SCN8A: variants seen among roughly 807,000 people sequenced by gnomAD.
The protein encoded by SCN8A is sodium channel protein type 8 subunit alpha.
A neutral mutation model predicts 184.1 loss-of-function variants in SCN8A; 30 were observed. The observed-to-expected ratio is 0.16, with a 90% CI of 0.12 to 0.22. The LOEUF (loss-of-function observed/expected upper bound fraction) is 0.22, where lower values mean the gene tolerates loss of function less well. SCN8A is among the 10% of genes least tolerant of loss of function. The probability of loss-of-function intolerance (pLI) is 1.00; values close to 1 mark genes in which losing one functional copy is unlikely to be tolerated. For missense variants in SCN8A, 1,057 were observed against 2,498.9 expected (o/e 0.42, Z 12.30); for synonymous variants, 852 against 907.0 (o/e 0.94, Z 1.09).
At chr12:51,657,268 G>C (rs924084114) in intron 1 of SCN8A, among the ~76,000 whole-genome samples, 1 of 151,898 alleles carries the variant, frequency 6.6e-6, no homozygotes, top group Non-Finnish European at 1.5e-5. Context: ...AGGGTAATTG[G>C]CATATCCATC....
intron 26 of SCN8A, among the ~76,000 whole-genome samples, chr12:51,804,239 G>T (rs1337723997): frequency 6.6e-6 from 1 of 152,154 alleles, no homozygotes; most frequent in Non-Finnish European, 1.5e-5. Context: ...AAGGCGCTCC[G>T]ATTTGTACAC....
chr12:51,751,689 A>C, intron 14 of SCN8A, 96 bp downstream of exon 14: 1 of 881,548 alleles, frequency 1.1e-6, no homozygotes, highest in Non-Finnish European at 1.8e-6. Flanking sequence ...TTCTTTGAAA[A>C]GAAAGTAATA....
At chr12:51,617,260 A>G (rs1187534828) in intron 1 of SCN8A, among the ~76,000 whole-genome samples, 1 of 152,114 alleles carries the variant, frequency 6.6e-6, no homozygotes, top group African/African-American at 2.4e-5. Context: ...GTGTTGTCCC[A>G]TGGGTCATTG....
intron 12 of SCN8A, among the ~76,000 whole-genome samples, chr12:51,743,376 G>A (rs1046773175): frequency 6.6e-6 from 1 of 152,116 alleles, no homozygotes; most frequent in Non-Finnish European, 1.5e-5. Flanking sequence ...CTAGGTATTC[G>A]AAGGAATTTG....
intron 1 of SCN8A, among the ~76,000 whole-genome samples, chr12:51,647,518 G>T (rs1409289967): frequency 6.6e-6 from 1 of 152,208 alleles, no homozygotes; most frequent in Non-Finnish European, 1.5e-5. Flanking sequence ...TGCACGGGCA[G>T]TTCCCCATTA....
intron 8 of SCN8A, among the ~76,000 whole-genome samples, chr12:51,701,998 G>A (rs1412830793): frequency 6.6e-6 from 1 of 152,090 alleles, no homozygotes; most frequent in Non-Finnish European, 1.5e-5. Flanking sequence ...GACTTAGGTT[G>A]TCACAGTGAG....
At chr12:51,744,692 G>A (rs931916895) in intron 12 of SCN8A, among the ~76,000 whole-genome samples, 5 of 149,348 alleles carry the variant, frequency 3.3e-5, no homozygotes, top group African/African-American at 1.0e-4. Flanking sequence ...TAATCCTGCC[G>A]CCTCCACCAC....
chr12:51,744,431 GCCA>G (rs899907847), intron 12 of SCN8A, among the ~76,000 whole-genome samples: 2 of 152,058 alleles, frequency 1.3e-5, no homozygotes, highest in African/African-American at 4.8e-5. Context: ...TCTTCCTGTG[GCCA>G]CCACCACAAG....
intron 1 of SCN8A, among the ~76,000 whole-genome samples, chr12:51,612,141 G>T (rs1939733201): frequency 6.6e-6 from 1 of 152,042 alleles, no homozygotes; most frequent in Non-Finnish European, 1.5e-5. Context: ...TATTAAGTAT[G>T]ATATTCCCTG....
At chr12:51,592,263 G>A (rs955502014) in intron 1 of SCN8A, among the ~76,000 whole-genome samples, 6 of 151,870 alleles carry the variant, frequency 4.0e-5, no homozygotes, top group Non-Finnish European at 8.8e-5. Context: ...TCTCCTGAGA[G>A]CTCAGCTCCA....
chr12:51,603,677 A>T (rs1479140259), intron 1 of SCN8A, among the ~76,000 whole-genome samples: 1 of 152,136 alleles, frequency 6.6e-6, no homozygotes, highest in African/African-American at 2.4e-5. Flanking sequence ...TCAGCAGCAT[A>T]TGCGAGTTCA....
At chr12:51,804,484 A>G (rs1017953566) in intron 26 of SCN8A, among the ~76,000 whole-genome samples, 1 of 116,474 alleles carries the variant, frequency 8.6e-6, no homozygotes, top group African/African-American at 3.4e-5. Context: ...GCGCCCAGCT[A>G]ATTTTTGTAC....
intron 1 of SCN8A, among the ~76,000 whole-genome samples, chr12:51,619,559 T>G (rs1939916976): frequency 6.6e-6 from 1 of 152,232 alleles, no homozygotes; most frequent in Non-Finnish European, 1.5e-5. Flanking sequence ...AATATTAGAA[T>G]AGGTAATAGA....
At chr12:51,599,011 T>A (rs1480157062) in intron 1 of SCN8A, among the ~76,000 whole-genome samples, 1 of 152,212 alleles carries the variant, frequency 6.6e-6, no homozygotes, top group Non-Finnish European at 1.5e-5. Flanking sequence ...CAGCCTTTCC[T>A]ACTAACCTAC....
intron 12 of SCN8A, 54 bp downstream of exon 12, chr12:51,721,962 A>C: frequency 6.3e-7 from 1 of 1,598,834 alleles, no homozygotes; most frequent in Non-Finnish European, 8.5e-7. Context: ...ACACAAATAG[A>C]TCGAGGCTAG....
intron 10 of SCN8A, among the ~76,000 whole-genome samples, chr12:51,706,171 C>T (rs527812903): frequency 6.6e-6 from 1 of 152,238 alleles, no homozygotes; most frequent in Admixed American, 6.5e-5. Flanking sequence ...CCTCTGGTAC[C>T]AAGGCAGCAG....
At chr12:51,686,294 A>T in intron 3 of SCN8A, 74 bp from the exon 4 acceptor site, 1 of 868,148 alleles carries the variant, frequency 1.2e-6, no homozygotes, top group Non-Finnish European at 1.9e-6. Context: ...CTGATACCCA[A>T]TGGAAATGTG....
At chr12:51,640,424 T>C (rs1385360335) in intron 1 of SCN8A, among the ~76,000 whole-genome samples, 1 of 151,844 alleles carries the variant, frequency 6.6e-6, no homozygotes, top group Non-Finnish European at 1.5e-5. Context: ...TACTTTAAAG[T>C]AGTCTTTTAG....
chr12:51,717,548 A>G (rs528658527), intron 11 of SCN8A, among the ~76,000 whole-genome samples: 1 of 152,320 alleles, frequency 6.6e-6, no homozygotes, highest in South Asian at 2.1e-4. Context: ...GGTTCAGGGG[A>G]ATTAATCAGT....
Sources: gnomAD v4.1 joint callset for allele counts (sites outside exome capture counted in the v4.1 genomes callset) on GRCh38, gnomAD v4.1.1 for gene constraint, MANE v1.5 for transcripts, NCBI Gene and HGNC (gene_info 2026-07-23, HGNC 2026-07-21) for gene names.